Variants in TTC21A observed in about 807,000 individuals in gnomAD.
TTC21A encodes tetratricopeptide repeat domain 21A, also known as tetratricopeptide repeat protein 21A.
Under a neutral mutation model 156.4 loss-of-function variants are expected in TTC21A, and 128 were observed. The ratio of observed to expected loss-of-function variants is 0.82; its 90% CI spans 0.71 to 0.95. The LOEUF (loss-of-function observed/expected upper bound fraction) is 0.95, where lower values mean the gene tolerates loss of function less well. Ranked by LOEUF, TTC21A falls within the 40% of genes least tolerant of loss-of-function variation. The pLI is 0.00. For synonymous variants in TTC21A, 587 were observed against 617.1 expected (o/e 0.95, Z 0.72); for missense variants, 1,435 against 1,602.3 (o/e 0.90, Z 1.78).
intron 1 of TTC21A, chr3:39,108,099 A>G (rs1200766481): frequency 1.7e-6 from 1 of 584,830 alleles, no homozygotes; most frequent in South Asian, 2.1e-5. Context: ...AGCTCATCCA[A>G]TCACTATCAT....
In TTC21A at chr3:39,128,925, G is replaced by A. The variant is rs2038491955; in HGVS notation, c.1889G>A (p.Gly630Glu). The change falls in exon 14 of 29, where the codon GGG becomes GAG. Residue 630 changes from glycine (G) to glutamate (E), a missense_variant. Transcript: ENST00000683103. ...LELVEALRLN[G>E]ELHEATKVMQ... is the part of the protein sequence containing the mutation. ...CTGGTGGAGGCCCTCCGGCTGAATG[G>A]GGAGCTAGTAAGAAATGCCGTGCTC... is the stretch of plus-strand genomic sequence containing the variant. 1 of 1,614,080 alleles carries A rather than the reference G, an allele frequency of 6.2e-7. No homozygotes were observed. Among genetic ancestry groups the A allele is most frequent in the Admixed American group, 1.7e-5 (1 of 60,008 alleles).
At chr3:39,121,259 G>A in intron 9 of TTC21A, 70 bp downstream of exon 9, 2 of 1,377,762 alleles carry the variant, frequency 1.5e-6, no homozygotes, top group Non-Finnish European at 2.0e-6. Flanking sequence ...CATGGGTCCA[G>A]AAGAGAGGTG....
chr3:39,129,334 G>T, intron 15 of TTC21A, 24 bp downstream of exon 15: 1 of 1,542,314 alleles, frequency 6.5e-7, no homozygotes, highest in South Asian at 1.1e-5. Context: ...GCAGCACAAT[G>T]ACAGCTTCTT....
intron 7 of TTC21A, 156 bp downstream of exon 7, chr3:39,118,309 T>G: frequency 1.4e-6 from 1 of 690,706 alleles, no homozygotes; most frequent in Non-Finnish European, 2.5e-6. Context: ...CAAGGAGGCC[T>G]GCTCTGGTTT....
Position 39,138,551 on chromosome 3 carries a change from G to C in TTC21A, c.3797-5G>C, listed in dbSNP as rs1222191770. 2.5e-6 allele frequency: 4 copies of C among 1,614,154 alleles called. No individual in the cohort carries two copies. The East Asian group carries it at 8.9e-5, about 36-fold the overall frequency. On this transcript the variant is annotated splice_region_variant and splice_polypyrimidine_tract_variant and intron_variant, in intron 27 of 28. Coordinates refer to ENST00000683103, the MANE Select transcript of TTC21A (RefSeq NM_001366900.1). ...CACCATCTTTGCTCTCCATGTCCCCGGTAGGCTTCAAACTTGCTTTCAACT... is the reference window on the plus strand; with the variant it reads ...CACCATCTTTGCTCTCCATGTCCCCCGTAGGCTTCAAACTTGCTTTCAACT...
chr3:39,126,122 G>T (rs1295386138), intron 11 of TTC21A, 139 bp from the exon 12 acceptor site: 1 of 1,066,626 alleles, frequency 9.4e-7, no homozygotes, highest in African/African-American at 1.6e-5. Flanking sequence ...CGTGCTCTAA[G>T]CACTAGGTGA....
chr3:39,135,267 T>A, intron 22 of TTC21A, 93 bp downstream of exon 22: 2 of 1,093,560 alleles, frequency 1.8e-6, no homozygotes, highest in Non-Finnish European at 1.4e-6. Context: ...CCTTCCTGAC[T>A]GGGCAGAGGA....
intron 4 of TTC21A, 129 bp from the exon 5 acceptor site, chr3:39,112,329 C>G (rs1559670214): frequency 1.1e-6 from 1 of 909,316 alleles, no homozygotes; most frequent in South Asian, 1.6e-5. Flanking sequence ...GCTGGCTGCC[C>G]TGGGATCTGC....
intron 11 of TTC21A, 36 bp downstream of exon 11, chr3:39,125,568 G>C: frequency 2.0e-6 from 3 of 1,493,356 alleles, no homozygotes; most frequent in Non-Finnish European, 2.8e-6. Context: ...TGGGGGTCTG[G>C]AGTACAGGTT....
chr3:39,125,587 G>A lies in TTC21A; in HGVS notation c.1392+55G>A, dbSNP rs1235451537. 34 of 1,314,538 alleles carry A rather than the reference G, an allele frequency of 2.6e-5. No individual in the cohort carries two copies. The Middle Eastern group carries it at 9.3e-4, about 36-fold the overall frequency. The allele number at this position is 1,314,538 out of a possible 1,614,324, so 81.4% of individuals were successfully genotyped here. ...GGTCTGGAGTACAGGTTTGGATGGT[G>A]CCCACCTGAAGGACAGAGGCAAGGA... On this transcript the variant is annotated intron_variant, in intron 11 of 28. Transcript: ENST00000683103.
intron 2 of TTC21A, among the ~76,000 whole-genome samples, 157 bp downstream of exon 2, chr3:39,109,371 C>T (rs976656551): frequency 3.3e-5 from 5 of 152,168 alleles, no homozygotes; most frequent in Non-Finnish European, 4.4e-5. Context: ...CAGAGGCCTA[C>T]GTAATCCATA....
chr3:39,116,889 G>A (rs1198085355), intron 6 of TTC21A, among the ~76,000 whole-genome samples: 1 of 151,412 alleles, frequency 6.6e-6, no homozygotes, highest in African/African-American at 2.4e-5. Flanking sequence ...TTTTTAATTG[G>A]TAGAGATGGG....
chr3:39,135,249 C>A lies in TTC21A; in HGVS notation c.2944+75C>A, dbSNP rs934851550. The A allele has an allele frequency of 3.2e-6, 4 of 1,264,942 alleles. No individual in the cohort carries two copies. In the African/African-American group the frequency reaches 5.9e-5, roughly 19 times the overall value. The allele number at this position is 1,264,942 out of a possible 1,614,324, so 78.4% of individuals were successfully genotyped here. Reference sequence around the variant, plus strand: ...CCGCTCTCCCAGAGAAGGGTGGGACCTCTCCCTCCTTCCTGACTGGGCAGA... The same window carrying A: ...CCGCTCTCCCAGAGAAGGGTGGGACATCTCCCTCCTTCCTGACTGGGCAGA... On this transcript the variant is annotated intron_variant, in intron 22 of 28. Coordinates refer to ENST00000683103, the MANE Select transcript of TTC21A (RefSeq NM_001366900.1).
chr3:39,138,123 C>T (rs1575569073), intron 26 of TTC21A, 144 bp from the exon 27 acceptor site: 1 of 1,253,010 alleles, frequency 8.0e-7, no homozygotes, highest in East Asian at 2.4e-5. Context: ...GGTTGGGGTA[C>T]CCCTGGGGTC....
rs553598908 is a variant in TTC21A, at chr3:39,114,285, G to A, written c.559-300G>A. ...CAGTGACCTCACCTCTCCCCTTCAG[G>A]GTGACCTCACATGGCCTTACCCTAT... On this transcript the variant is annotated intron_variant, in intron 5 of 28. Transcript: ENST00000683103. 6.6e-5 allele frequency among the ~76,000 whole-genome samples: 10 copies of A among 152,228 alleles called. No homozygotes were observed. The South Asian group carries it at 1.9e-3, about 28-fold the overall frequency.
Position 39,126,358 on chromosome 3 carries a change from T to G in TTC21A, c.1490T>G (p.Leu497Arg), listed in dbSNP as rs1021265608. Residue 497 changes from leucine to arginine, a missense_variant, in exon 12 of 29, where the codon CTG becomes CGG. Coordinates refer to ENST00000683103, the MANE Select transcript of TTC21A (RefSeq NM_001366900.1). Reference sequence around the variant, plus strand: ...GCAGCACCAGCTCTGATCGACCCCCTGTATTTGATGGCTCAGGTCAGGTAT... The same window carrying G: ...GCAGCACCAGCTCTGATCGACCCCCGGTATTTGATGGCTCAGGTCAGGTAT... ...VKAAPALIDP[L>R]YLMAQVRYYS... 1.2e-6 allele frequency: 2 copies of G among 1,614,038 alleles called. No individual in the cohort carries two copies. The highest frequency in any genetic ancestry group is 1.7e-6 in the Non-Finnish European group (2 of 1,179,974).
chr3:39,137,525 T>C lies in TTC21A; in HGVS notation c.3490T>C (p.Tyr1164His), dbSNP rs1472839214. ...VPALLALAQA[Y>H]VFLKQIPKAR... ...TGCCCTGCTGGCCTTGGCACAAGCC[T>C]ACGTGTTCCTGAAGCAGATCCCCAA... The change falls in exon 26 of 29, where the codon TAC (tyrosine) becomes CAC (histidine). Residue 1164 changes from tyrosine (Y) to histidine (H), a missense_variant. Coordinates refer to ENST00000683103, the MANE Select transcript of TTC21A (RefSeq NM_001366900.1). 3.7e-6 allele frequency: 6 copies of C among 1,614,248 alleles called. No individual in the cohort carries two copies. Among genetic ancestry groups the C allele is most frequent in the South Asian group, 1.1e-5 (1 of 91,088 alleles).
rs2038244871 is a variant in TTC21A, at chr3:39,126,386, C to T, written c.1518C>T (p.Tyr506=). 3 of 1,613,432 alleles carry T rather than the reference C, an allele frequency of 1.9e-6. No individual in the cohort carries two copies. The highest frequency in any genetic ancestry group is 1.3e-5 in the African/African-American group (1 of 74,804). ...ATTTGATGGCTCAGGTCAGGTATTA[C>T]TCAGGTGAGCGGGGGATCCTGACAG... The part of the protein sequence containing the change: ...PLYLMAQVRY[Y]SGELENAQSI... The change falls in exon 12 of 29, where the codon TAC becomes TAT. Residue 506 remains tyrosine, a synonymous_variant. Coordinates refer to ENST00000683103, the MANE Select transcript of TTC21A (RefSeq NM_001366900.1).
At chr3:39,119,438 G>A (rs2037555474) in intron 7 of TTC21A, 1 of 152,490 alleles carries the variant, frequency 6.6e-6, no homozygotes, top group Non-Finnish European at 1.5e-5. Flanking sequence ...ACTTACATTT[G>A]ATTCATGTCA....
Sources: allele counts gnomAD v4.1 joint callset (sites outside exome capture counted in the v4.1 genomes callset), GRCh38; gene constraint gnomAD v4.1.1; transcripts MANE v1.5; gene names NCBI Gene and HGNC (gene_info 2026-07-23, HGNC 2026-07-21).